XYLB: variants seen among roughly 807,000 people sequenced by gnomAD.
XYLB encodes xylulose kinase.
In XYLB, 62 loss-of-function variants were observed where a neutral mutation model predicts 78.7. That is an observed-to-expected ratio of 0.79 (90% CI 0.64 to 0.97). XYLB has a LOEUF of 0.97. Among genes scored for constraint, XYLB ranks in the 50% least tolerant of loss-of-function variants. XYLB has a pLI of 0.00. For synonymous variants in XYLB, 245 were observed against 247.4 expected (o/e 0.99, Z 0.09); for missense variants, 687 against 676.8 (o/e 1.02, Z -0.17).
At chr3:38,399,545 ACT>A (rs1271549962) in intron 17 of XYLB, among the ~76,000 whole-genome samples, 1 of 152,042 alleles carries the variant, frequency 6.6e-6, no homozygotes, top group Non-Finnish European at 1.5e-5. Flanking sequence ...TGGGTAAAAG[ACT>A]CTATGTTCAA....
At chr3:38,365,844 G>A (rs2234613) in intron 6 of XYLB, 108 bp downstream of exon 6, 23 of 1,432,640 alleles carry the variant, frequency 1.6e-5, no homozygotes, top group East Asian at 1.5e-4. Context: ...GAGGTGTTGT[G>A]GAGCCAGCAA....
chr3:38,374,036 A>C (rs576824328), intron 10 of XYLB, among the ~76,000 whole-genome samples: 130 of 152,160 alleles, frequency 8.5e-4, no homozygotes, highest in Non-Finnish European at 1.5e-3. Flanking sequence ...TTAAAAAAAA[A>C]AAAGATTGCT....
chr3:38,370,311 A>G, intron 9 of XYLB, 137 bp downstream of exon 9: 1 of 656,850 alleles, frequency 1.5e-6, no homozygotes, highest in Non-Finnish European at 2.7e-6. Context: ...AGGCATACAC[A>G]TGCAGGGTCT....
intron 15 of XYLB, among the ~76,000 whole-genome samples, chr3:38,381,428 G>A (rs196375): frequency 0.33 from 50,713 of 152,112 alleles, 9,709 homozygotes; most frequent in South Asian, 0.44. Context: ...AATGTGAAGT[G>A]TGGGCACCTT....
intron 9 of XYLB, 91 bp downstream of exon 9, chr3:38,370,265 C>CAT: frequency 1.1e-6 from 1 of 880,236 alleles, no homozygotes; most frequent in East Asian, 2.4e-5. Flanking sequence ...CACACACACA[C>CAT]ACTCTGCACA....
At chr3:38,424,310 A>C (rs547438713), downstream of XYLB, among the ~76,000 whole-genome samples, 6 of 152,304 alleles carry the variant, frequency 3.9e-5, no homozygotes, top group South Asian at 1.2e-3. Flanking sequence ...TCTGATAGGA[A>C]ATGGGAGAAC....
At chr3:38,449,940 T>G in the XYLB span, among the ~76,000 whole-genome samples, 1 of 152,138 alleles carries the variant, frequency 6.6e-6, no homozygotes, top group South Asian at 2.1e-4. Flanking sequence ...ACCATTAAGT[T>G]AAGAGAAAGG....
At chr3:38,361,343 A>G (rs1309685400) in intron 3 of XYLB, among the ~76,000 whole-genome samples, 1 of 150,970 alleles carries the variant, frequency 6.6e-6, no homozygotes, top group Non-Finnish European at 1.5e-5. Context: ...AGGCCAGCTA[A>G]GTGTGTGTCT....
rs1218719969 is a variant in XYLB, at chr3:38,412,526, T to G, written c.1534-410T>G. Among the ~76,000 whole-genome samples the G allele has an allele frequency of 2.0e-5, 3 of 152,314 alleles. No homozygotes were observed. In the East Asian group the frequency reaches 5.8e-4, roughly 29 times the overall value. On this transcript the variant is annotated intron_variant, in intron 18 of 18. Coordinates refer to ENST00000207870, the MANE Select transcript of XYLB (RefSeq NM_005108.4). ...TGGACTTGGCATCCTACATTTAGGA[T>G]TATTTCCTTAGGAGAGCTTCACCAA...
At chr3:38,386,835 C>CTTAAGTT (rs1553657674) in intron 15 of XYLB, among the ~76,000 whole-genome samples, 1 of 152,108 alleles carries the variant, frequency 6.6e-6, no homozygotes, top group Admixed American at 6.5e-5. Context: ...AGTGGATTCT[C>CTTAAGTT]TTAAGTTTTA....
chr3:38,366,662 C>T, intron 6 of XYLB, 146 bp from the exon 7 acceptor site: 1 of 612,848 alleles, frequency 1.6e-6, no homozygotes, highest in Non-Finnish European at 2.9e-6. Flanking sequence ...CAAGCGCACA[C>T]TACTGTGCCT....
the XYLB span, among the ~76,000 whole-genome samples, chr3:38,432,773 GC>G: frequency 6.6e-6 from 1 of 152,210 alleles, no homozygotes; most frequent in Non-Finnish European, 1.5e-5. Flanking sequence ...CAAGAGGTGG[GC>G]CCCCATGGCT....
chr3:38,418,398 AG>A (rs1708871582), downstream of XYLB, among the ~76,000 whole-genome samples: 1 of 152,146 alleles, frequency 6.6e-6, no homozygotes, highest in Admixed American at 6.5e-5. Flanking sequence ...AAACTCCTAA[AG>A]GGGGAAATTG....
chr3:38,420,673 G>A (rs1708948864), downstream of XYLB, among the ~76,000 whole-genome samples: 1 of 151,922 alleles, frequency 6.6e-6, no homozygotes, highest in Non-Finnish European at 1.5e-5. Context: ...TTCAGATTTT[G>A]TACTTCTTTT....
intron 10 of XYLB, 113 bp downstream of exon 10, chr3:38,372,849 C>T: frequency 8.7e-7 from 1 of 1,143,640 alleles, no homozygotes; most frequent in Non-Finnish European, 1.3e-6. Flanking sequence ...TTCCTCACCA[C>T]CCCCACCCAT....
At chr3:38,392,895 A>G (rs1366281994) in intron 15 of XYLB, among the ~76,000 whole-genome samples, 1 of 152,176 alleles carries the variant, frequency 6.6e-6, no homozygotes, top group African/African-American at 2.4e-5. Context: ...CCCCCACTCC[A>G]GTATCACAGA....
At chr3:38,391,865 A>C (rs1464876491) in intron 15 of XYLB, among the ~76,000 whole-genome samples, 1 of 152,198 alleles carries the variant, frequency 6.6e-6, no homozygotes, top group Non-Finnish European at 1.5e-5. Flanking sequence ...AACCCAAAAT[A>C]AGCAGGGTTT....
At chr3:38,380,007 A>G (rs904276674) in intron 15 of XYLB, among the ~76,000 whole-genome samples, 5 of 152,182 alleles carry the variant, frequency 3.3e-5, no homozygotes, top group African/African-American at 1.2e-4. Flanking sequence ...AGGGCATCAC[A>G]TGGTGAGGGA....
intron 8 of XYLB, among the ~76,000 whole-genome samples, chr3:38,369,510 CT>C (rs1393866826): frequency 2.6e-5 from 4 of 152,202 alleles, no homozygotes; most frequent in African/African-American, 9.6e-5. Context: ...CTCTGTCTGC[CT>C]CCACCTTGGC....
Sources: gnomAD v4.1 joint callset for allele counts (sites outside exome capture counted in the v4.1 genomes callset) on GRCh38, gnomAD v4.1.1 for gene constraint, MANE v1.5 for transcripts, NCBI Gene and HGNC (gene_info 2026-07-23, HGNC 2026-07-21) for gene names.